ZNF385D: variants seen among roughly 807,000 people sequenced by gnomAD.
ZNF385D encodes zinc finger protein 385D.
A neutral mutation model predicts 35.8 loss-of-function variants in ZNF385D; 15 were observed. The ratio of observed to expected loss-of-function variants is 0.42; its 90% confidence interval spans 0.28 to 0.64. ZNF385D has a LOEUF of 0.64. ZNF385D is among the 30% of genes least tolerant of loss of function. The pLI is 0.23. For synonymous variants in ZNF385D, 212 were observed against 186.8 expected, an observed-to-expected ratio of 1.13 and a Z score of -1.10; for missense variants, 474 against 494.6, an observed-to-expected ratio of 0.96 and a Z score of 0.39.
chr3:21,498,752 G>A (rs757310090), intron 4 of ZNF385D, among the ~76,000 whole-genome samples: 1 of 151,980 alleles, frequency 6.6e-6, no homozygotes, highest in Non-Finnish European at 1.5e-5. Context: ...GACCATCCTA[G>A]CCATCATGGT....
chr3:22,076,273 C>G (rs1576274533), intron 3 of ZNF385D, among the ~76,000 whole-genome samples: 1 of 151,886 alleles, frequency 6.6e-6, no homozygotes, highest in African/African-American at 2.4e-5. Context: ...TTATTGTGGC[C>G]TGGTCTCTAT....
intron 1 of ZNF385D, among the ~76,000 whole-genome samples, chr3:21,728,146 G>A (rs527798526): frequency 2.6e-5 from 4 of 152,200 alleles, no homozygotes; most frequent in South Asian, 4.2e-4. Flanking sequence ...GTGGTGGAGG[G>A]CTAGGAGAGG....
intron 2 of ZNF385D, among the ~76,000 whole-genome samples, chr3:22,265,936 C>T (rs963936012): frequency 5.9e-5 from 9 of 151,958 alleles, no homozygotes; most frequent in South Asian, 4.2e-4. Flanking sequence ...CAGTTCCATA[C>T]GACTCTAAAA....
intron 3 of ZNF385D, among the ~76,000 whole-genome samples, chr3:21,778,237 C>T (rs1488661254): frequency 4.6e-5 from 7 of 151,882 alleles, no homozygotes; most frequent in Admixed American, 3.9e-4. Context: ...ACTTCTGAGA[C>T]GTGCCTCTCA....
At chr3:21,636,638 C>G (rs138872909) in intron 2 of ZNF385D, among the ~76,000 whole-genome samples, 100 of 151,810 alleles carry the variant, frequency 6.6e-4, no homozygotes, top group Non-Finnish European at 1.2e-3. Context: ...TCTGGCCACA[C>G]TGGCAGCTGA....
At chr3:21,455,592 G>A (rs1702752764) in intron 4 of ZNF385D, among the ~76,000 whole-genome samples, 1 of 152,124 alleles carries the variant, frequency 6.6e-6, no homozygotes, top group Non-Finnish European at 1.5e-5. Flanking sequence ...AATTCAAGAT[G>A]GAGTAAAGAC....
intron 2 of ZNF385D, among the ~76,000 whole-genome samples, chr3:22,287,882 T>C (rs572468969): frequency 6.6e-6 from 1 of 152,206 alleles, no homozygotes; most frequent in East Asian, 1.9e-4. Context: ...TTTTACTAAT[T>C]TGCATCCTTT....
intron 4 of ZNF385D, among the ~76,000 whole-genome samples, chr3:21,476,545 C>T (rs1037284739): frequency 7.3e-5 from 11 of 151,494 alleles, no homozygotes; most frequent in African/African-American, 2.7e-4. Flanking sequence ...GACACTTATG[C>T]TCAGGGTGGG....
intron 1 of ZNF385D, among the ~76,000 whole-genome samples, chr3:21,741,967 A>C (rs2069536532): frequency 6.6e-6 from 1 of 152,208 alleles, no homozygotes. Context: ...CTATTTGATG[A>C]AGTAACGAAA....
chr3:22,208,525 C>T (rs578165203), intron 2 of ZNF385D, among the ~76,000 whole-genome samples: 2 of 151,660 alleles, frequency 1.3e-5, no homozygotes, highest in South Asian at 4.2e-4. Flanking sequence ...TGAATGTCTA[C>T]AGTCAATAAT....
intron 2 of ZNF385D, among the ~76,000 whole-genome samples, chr3:22,356,467 T>C (rs950852204): frequency 3.9e-5 from 6 of 151,906 alleles, no homozygotes; most frequent in Admixed American, 6.6e-5. Flanking sequence ...GAGAAGCAGA[T>C]AGAAGAGGCC....
At chr3:21,560,330 C>T (rs1414683852) in intron 3 of ZNF385D, among the ~76,000 whole-genome samples, 2 of 152,144 alleles carry the variant, frequency 1.3e-5, no homozygotes, top group African/African-American at 2.4e-5. Context: ...AGGTGACCTT[C>T]GGATGGGGTC....
intron 2 of ZNF385D, among the ~76,000 whole-genome samples, chr3:22,171,330 C>G (rs143484489): frequency 9.9e-5 from 15 of 152,074 alleles, no homozygotes; most frequent in Non-Finnish European, 1.9e-4. Flanking sequence ...AAAATAAGAA[C>G]ATGTGCTAAC....
At chr3:21,901,713 C>T (rs1699422843) in intron 3 of ZNF385D, among the ~76,000 whole-genome samples, 1 of 152,040 alleles carries the variant, frequency 6.6e-6, no homozygotes, top group Non-Finnish European at 1.5e-5. Flanking sequence ...CTTACGTGTT[C>T]GACCAATGTA....
At chr3:22,073,814 T>C (rs996520382) in intron 3 of ZNF385D, among the ~76,000 whole-genome samples, 2 of 151,954 alleles carry the variant, frequency 1.3e-5, no homozygotes, top group African/African-American at 4.8e-5. Context: ...TTTTAAAAAA[T>C]ACAGAAAGAG....
chr3:21,534,078 T>C (rs1406197578), intron 3 of ZNF385D, among the ~76,000 whole-genome samples: 1 of 151,970 alleles, frequency 6.6e-6, no homozygotes, highest in African/African-American at 2.4e-5. Context: ...AGCCAGCTTA[T>C]ATGGCAGTAT....
chr3:21,430,712 T>C (rs921526837), intron 5 of ZNF385D, among the ~76,000 whole-genome samples: 9 of 152,178 alleles, frequency 5.9e-5, no homozygotes, highest in Non-Finnish European at 1.2e-4. Flanking sequence ...AAAATCTTTA[T>C]ATGCACCCAT....
At chr3:21,867,940 C>A (rs1697461726) in intron 3 of ZNF385D, among the ~76,000 whole-genome samples, 1 of 152,026 alleles carries the variant, frequency 6.6e-6, no homozygotes, top group East Asian at 1.9e-4. Flanking sequence ...TTTACACAAC[C>A]ACATATGGGT....
At chr3:21,675,022 T>G (rs2066682547) in intron 1 of ZNF385D, among the ~76,000 whole-genome samples, 1 of 151,938 alleles carries the variant, frequency 6.6e-6, no homozygotes, top group South Asian at 2.1e-4. Flanking sequence ...TTGTACCCAT[T>G]TTTTTATTGT....
Sources: gnomAD v4.1 joint callset for allele counts (sites outside exome capture counted in the v4.1 genomes callset) on GRCh38, gnomAD v4.1.1 for gene constraint, MANE v1.5 for transcripts, NCBI Gene and HGNC (gene_info 2026-07-23, HGNC 2026-07-21) for gene names.